SHC2: variants seen among roughly 807,000 people sequenced by gnomAD.
The protein encoded by SHC2 is SHC adaptor protein 2.
Under a neutral mutation model 60.6 loss-of-function variants are expected in SHC2, and 62 were observed. That is an observed-to-expected ratio of 1.02 (90% CI 0.83 to 1.26). SHC2 has a LOEUF of 1.26. Ranked by LOEUF, SHC2 falls within the 50% of genes most tolerant of loss-of-function variation. The probability of loss-of-function intolerance (pLI) is 0.00; values close to 1 mark genes in which losing one functional copy is unlikely to be tolerated. For synonymous variants in SHC2, 375 were observed against 372.4 expected (o/e 1.01, Z -0.08); for missense variants, 873 against 822.2 (o/e 1.06, Z -0.76).
intron 4 of SHC2, among the ~76,000 whole-genome samples, chr19:437,223 C>T (rs756303875): frequency 6.6e-6 from 1 of 152,070 alleles, no homozygotes; most frequent in Non-Finnish European, 1.5e-5. Flanking sequence ...TGGTCATCTG[C>T]GTGCTCGTTT....
intron 1 of SHC2, among the ~76,000 whole-genome samples, chr19:448,388 G>A (rs563619159): frequency 3.3e-4 from 50 of 152,172 alleles, no homozygotes; most frequent in Non-Finnish European, 6.0e-4. Context: ...GGGGGCTCCC[G>A]GCGTCCCGGG....
At position 436,647 on chromosome 19, in the gene SHC2, C is replaced by T. The variant is rs765133386; in HGVS notation, c.757G>A (p.Ala253Thr). 15 of 1,607,406 alleles carry T rather than the reference C, an allele frequency of 9.3e-6. No individual in the cohort carries two copies. The South Asian group carries it at 9.9e-5, about 11-fold the overall frequency. ...GGCCTCACCGTGTCTCCGCCTGACG[C>T]GAAGGAGATGGACGGCATGTGGTGG... ...ANHHMPSISF[A>T]SGGDTDMTDY... Residue 253 changes from alanine (A) to threonine (T), a missense_variant, in exon 5 of 13, where the codon GCG becomes ACG. Coordinates refer to ENST00000264554, the MANE Select transcript of SHC2 (RefSeq NM_012435.3).
Position 438,147 on chromosome 19 carries a change from C to G in SHC2, c.720+571G>C, listed in dbSNP as rs1284947071. 6.6e-6 allele frequency among the ~76,000 whole-genome samples: 1 copy of G among 152,094 alleles called. No homozygotes were observed. The highest frequency in any genetic ancestry group is 1.5e-5 in the Non-Finnish European group (1 of 68,014). On this transcript the variant is annotated intron_variant, in intron 4 of 12. Transcript: ENST00000264554. This position sits in a 1 kb window ranked among gnomAD's most constrained non-coding sequence, Gnocchi z 5.0. ...TACAGGCGCCCACCACCACACCCGG[C>G]TAATCTTTGTATTTTTTGTAGAGTC...
chr19:439,751 C>T (rs1443685760), intron 2 of SHC2, among the ~76,000 whole-genome samples: 8 of 151,866 alleles, frequency 5.3e-5, no homozygotes, highest in East Asian at 1.9e-4. Flanking sequence ...TGCATGCAGG[C>T]GCGGCGGCCC....
intron 9 of SHC2, among the ~76,000 whole-genome samples, chr19:427,834 G>C (rs1315601218): frequency 1.6e-5 from 2 of 128,674 alleles, no homozygotes; most frequent in African/African-American, 6.2e-5. Context: ...AGGGAAGGGG[G>C]AACTGCACAC....
intron 1 of SHC2, among the ~76,000 whole-genome samples, chr19:443,556 AGGTGGATG>A (rs1228611657): frequency 1.8e-5 from 1 of 54,216 alleles, no homozygotes; most frequent in East Asian, 6.0e-4. Flanking sequence ...ATGGATGTGT[AGGTGGATG>A]GGTGGATGGA....
chr19:430,310 G>A lies in SHC2; in HGVS notation c.1174+374C>T, dbSNP rs187501858. 3.0e-4 allele frequency among the ~76,000 whole-genome samples: 46 copies of A among 151,388 alleles called. No homozygotes were observed. The East Asian group carries it at 6.8e-3, about 22-fold the overall frequency. On this transcript the variant is annotated intron_variant, in intron 9 of 12. Coordinates refer to ENST00000264554, the MANE Select transcript of SHC2 (RefSeq NM_012435.3). ...CCAACGTGCACAGAAACCTAATACC[G>A]TGTGGATGACGCGGCACCTATATCT...
rs750765946 is a variant in SHC2, at chr19:438,817, C to G, written c.621G>C (p.Ala207=). The G allele has an allele frequency of 1.3e-6, 2 of 1,571,164 alleles. No homozygotes were observed. Among genetic ancestry groups the G allele is most frequent in the East Asian group, 2.4e-5 (1 of 42,320 alleles). The change falls in exon 4 of 13, where the codon GCG becomes GCC. Residue 207 remains alanine, a synonymous_variant. Coordinates refer to ENST00000264554, the MANE Select transcript of SHC2 (RefSeq NM_012435.3). This position sits in a 1 kb window ranked among gnomAD's most constrained non-coding sequence, Gnocchi z 5.0. ...GAAGGTTGCTCTTGCCCAGGACGGACGCCAGGGCCTTGTTGGGGGCCTGAG... is the reference window on the plus strand; with the variant it reads ...GAAGGTTGCTCTTGCCCAGGACGGAGGCCAGGGCCTTGTTGGGGGCCTGAG... The part of the protein sequence containing the change: ...WKKKAPNKAL[A]SVLGKSNLRF...
At position 438,920 on chromosome 19, in the gene SHC2, AG is replaced by A; in HGVS notation, c.600+49del. The A allele has an allele frequency of 6.4e-7, 1 of 1,553,358 alleles. No homozygotes were observed. Among genetic ancestry groups the A allele is most frequent in the Non-Finnish European group, 8.7e-7 (1 of 1,144,774 alleles). On this transcript the variant is annotated intron_variant, in intron 3 of 12. Coordinates refer to ENST00000264554, the MANE Select transcript of SHC2 (RefSeq NM_012435.3). The surrounding 1 kb of genome is among the most constrained non-coding windows in gnomAD (Gnocchi z 5.0). ...CCCAGGATGGCCGCAGCGTCCCCAC[AG>A]CCCCCGACTGCCCCACCAGCCCCAC...
At chr19:447,407 T>A (rs1282174948) in intron 1 of SHC2, among the ~76,000 whole-genome samples, 1 of 152,264 alleles carries the variant, frequency 6.6e-6, no homozygotes, top group African/African-American at 2.4e-5. Context: ...CAGAACCGTG[T>A]GGCTGCACTA....
At position 418,595 on chromosome 19, in the gene SHC2, C is replaced by T. The variant is rs562335538; in HGVS notation, c.*5+328G>A. On this transcript the variant is annotated intron_variant, in intron 12 of 12. Coordinates refer to ENST00000264554, the MANE Select transcript of SHC2 (RefSeq NM_012435.3). ...GGAGGACGTCACGCTCAGTGAGAGA[C>T]GCCAGACACAGAAGGACACACAGCG... Among the ~76,000 whole-genome samples the T allele has an allele frequency of 6.9e-4, 105 of 152,316 alleles. 1 individual carries two copies. The Middle Eastern group carries it at 0.014, about 20-fold the overall frequency.
intron 1 of SHC2, among the ~76,000 whole-genome samples, chr19:442,021 G>A (rs900719288): frequency 6.6e-6 from 1 of 152,256 alleles, no homozygotes; most frequent in Non-Finnish European, 1.5e-5. Flanking sequence ...AGAGACAGAT[G>A]TGAGAATGCA....
rs540394866 is a variant in SHC2 at position 417,166 on chromosome 19, C to G, written c.*162G>C. The G allele has an allele frequency of 6.5e-6, 1 of 152,994 alleles. No individual in the cohort carries two copies. Among genetic ancestry groups the G allele is most frequent in the East Asian group, 1.9e-4 (1 of 5,182 alleles). The allele number at this position is 152,994 out of a possible 1,614,324, so 9.5% of individuals were successfully genotyped here. A position where few individuals can be genotyped will look rare whatever the true frequency, so the allele number is the denominator to read the frequency against. ...GAGGCTCTGCCCAGCCCGGGGCCAGCTGGAGGAAGGACCATGCCAGAGGCT... is the reference window on the plus strand; with the variant it reads ...GAGGCTCTGCCCAGCCCGGGGCCAGGTGGAGGAAGGACCATGCCAGAGGCT... On this transcript the variant is annotated 3_prime_UTR_variant, in exon 13 of 13. Coordinates refer to ENST00000264554, the MANE Select transcript of SHC2 (RefSeq NM_012435.3).
chr19:458,634 G>A (rs1975446167), intron 1 of SHC2, among the ~76,000 whole-genome samples: 1 of 141,114 alleles, frequency 7.1e-6, no homozygotes, highest in African/African-American at 2.6e-5. Flanking sequence ...GGGTTCCGGG[G>A]AGGCGGAAGC....
rs534358152 is a variant in SHC2 at position 425,549 on chromosome 19, C to T, written c.1175-318G>A. Among the ~76,000 whole-genome samples the T allele has an allele frequency of 3.9e-5, 6 of 152,332 alleles. No homozygotes were observed. Among genetic ancestry groups the T allele is most frequent in the Admixed American group, 6.5e-5 (1 of 15,312 alleles). On this transcript the variant is annotated intron_variant, in intron 9 of 12. Coordinates refer to ENST00000264554, the MANE Select transcript of SHC2 (RefSeq NM_012435.3). The surrounding 1 kb of genome is among the most constrained non-coding windows in gnomAD (Gnocchi z 4.1). The stretch of plus-strand genomic sequence containing the variant: ...CACCCCACCCCGCCCTGGCCCTCCC[C>T]GGCCCAGGGTCCAGAGCTTCCCAGT...
chr19:439,361 T>G, intron 2 of SHC2: 1 of 394,976 alleles, frequency 2.5e-6, no homozygotes, highest in East Asian at 4.7e-5. Flanking sequence ...CAGGGACCAG[T>G]GTGTCCCTGG....
chr19:457,423 C>T (rs67990768), intron 1 of SHC2, among the ~76,000 whole-genome samples: 17,487 of 126,356 alleles, frequency 0.14, 1,694 homozygotes, highest in African/African-American at 0.29. Context: ...TTCCATGGCT[C>T]AGGTCTCAGC....
Position 422,589 on chromosome 19 carries a change from C to T in SHC2, c.1310-133G>A. Reference sequence around the variant, plus strand: ...TCGGCCTGCGCTGACCGAGCGCCCACAGCGTATCAGACTCGCACTCTGCCC... The same window carrying T: ...TCGGCCTGCGCTGACCGAGCGCCCATAGCGTATCAGACTCGCACTCTGCCC... On this transcript the variant is annotated intron_variant, in intron 10 of 12. Coordinates refer to ENST00000264554, the MANE Select transcript of SHC2 (RefSeq NM_012435.3). The surrounding 1 kb of genome is among the most constrained non-coding windows in gnomAD (Gnocchi z 5.0). The T allele has an allele frequency of 1.4e-6, 1 of 706,402 alleles. No individual in the cohort carries two copies. Among genetic ancestry groups the T allele is most frequent in the Non-Finnish European group, 2.3e-6 (1 of 432,264 alleles). 43.8% of individuals were successfully genotyped at this position (706,402 alleles called of 1,614,324 possible).
intron 8 of SHC2, among the ~76,000 whole-genome samples, chr19:431,047 TC>T (rs1194415303): frequency 1.3e-5 from 2 of 152,220 alleles, no homozygotes; most frequent in Non-Finnish European, 2.9e-5. Context: ...CCCAGGCAGC[TC>T]CTATTCACCA....
Sources: allele counts gnomAD v4.1 joint callset (sites outside exome capture counted in the v4.1 genomes callset), GRCh38; gene constraint gnomAD v4.1.1; non-coding constraint Gnocchi (gnomAD v3.1); transcripts MANE v1.5; gene names NCBI Gene and HGNC (gene_info 2026-07-23, HGNC 2026-07-21).